The following HK1 variants were observed in gnomAD, a reference collection of about 807,000 sequenced individuals.
The protein encoded by HK1 is hexokinase 1.
A neutral mutation model predicts 91.6 loss-of-function variants in HK1; 28 were observed. The observed-to-expected ratio is 0.31, with a 90% CI of 0.23 to 0.42. The LOEUF is 0.42. Ranked by LOEUF, HK1 falls within the 10% of genes least tolerant of loss-of-function variation. The probability of loss-of-function intolerance (pLI) is 1.00; values close to 1 mark genes in which losing one functional copy is unlikely to be tolerated. For synonymous variants in HK1, 430 were observed against 468.1 expected (o/e 0.92, Z 1.05); for missense variants, 770 against 1,219.8 (o/e 0.63, Z 5.49).
intron 7 of HK1, among the ~76,000 whole-genome samples, chr10:69,370,682 T>G (rs1328403878): frequency 6.6e-6 from 1 of 151,472 alleles, no homozygotes; most frequent in Non-Finnish European, 1.5e-5. Flanking sequence ...TGCAGAGGAG[T>G]TGGGGTAAGA....
intron 15 of HK1, 39 bp downstream of exon 15, chr10:69,392,347 T>G (rs1235418030): frequency 1.9e-6 from 3 of 1,608,516 alleles, no homozygotes; most frequent in Non-Finnish European, 2.6e-6. Context: ...ACAGTCAGGG[T>G]GGGGGCAGCA....
At chr10:69,358,159 C>T (rs911429215) in intron 2 of HK1, among the ~76,000 whole-genome samples, 50 of 152,058 alleles carry the variant, frequency 3.3e-4, no homozygotes, top group Non-Finnish European at 1.5e-4. Context: ...TCACCCCTGG[C>T]GTGGTAGATA....
At chr10:69,375,764 C>T (rs1377862264) in intron 7 of HK1, among the ~76,000 whole-genome samples, 4 of 152,202 alleles carry the variant, frequency 2.6e-5, no homozygotes, top group African/African-American at 4.8e-5. Flanking sequence ...CCTCCTGGCC[C>T]CTCGTCAGCC....
intron 2 of HK1, among the ~76,000 whole-genome samples, chr10:69,348,341 T>G (rs1321410996): frequency 6.6e-6 from 1 of 152,212 alleles, no homozygotes; most frequent in Admixed American, 6.5e-5. Flanking sequence ...AAGGAAAATA[T>G]TTACCTTCTC....
intron 7 of HK1, among the ~76,000 whole-genome samples, chr10:69,374,503 C>T (rs1354664995): frequency 1.3e-5 from 2 of 152,232 alleles, no homozygotes; most frequent in African/African-American, 4.8e-5. Context: ...GGTGGCATGC[C>T]CTGAGAGGCA....
At chr10:69,283,632 T>A (rs1309416626) in intron 2 of HK1, among the ~76,000 whole-genome samples, 3 of 149,896 alleles carry the variant, frequency 2.0e-5, no homozygotes, top group African/African-American at 7.3e-5. Context: ...AATACAAAAA[T>A]TAGCCAGGCA....
At position 69,343,912 on chromosome 10, in the gene HK1, GC is replaced by G; in HGVS notation, c.151del (p.Leu51SerfsTer18). On this transcript the variant is annotated frameshift_variant, in exon 2 of 18. Transcript: ENST00000359426. LOFTEE classifies it high-confidence loss of function. ...MTRFRKEMKN[G>X]LSRDFNPTAT... is the part of the protein sequence containing the mutation. Reference sequence around the variant, plus strand: ...CGCTTCAGGAAGGAGATGAAGAATGGCCTCTCCCGGGATTTTAATCCAACAG... The same window carrying G: ...CGCTTCAGGAAGGAGATGAAGAATGGCTCTCCCGGGATTTTAATCCAACAG... 1 of 1,613,726 alleles carries G rather than the reference GC, an allele frequency of 6.2e-7. No homozygotes were observed. Among genetic ancestry groups the G allele is most frequent in the Non-Finnish European group, 8.5e-7 (1 of 1,179,676 alleles).
At chr10:69,368,424 C>T (rs1238929310) in intron 4 of HK1, 112 bp from the exon 5 acceptor site, 2 of 871,372 alleles carry the variant, frequency 2.3e-6, no homozygotes, top group Non-Finnish European at 3.8e-6. Context: ...TGGGAGGAGC[C>T]ACTTGGCCCC....
intron 2 of HK1, among the ~76,000 whole-genome samples, chr10:69,284,904 C>T (rs564089324): frequency 2.6e-5 from 4 of 152,242 alleles, no homozygotes; most frequent in South Asian, 4.1e-4. Flanking sequence ...GCAAGCTCTG[C>T]CTCCTGGGTT....
intron 13 of HK1, among the ~76,000 whole-genome samples, chr10:69,388,037 G>C (rs1406288943): frequency 6.6e-6 from 1 of 152,092 alleles, no homozygotes; most frequent in African/African-American, 2.4e-5. Context: ...CTGAAAGAGG[G>C]CTGATTTGTC....
intron 1 of HK1, among the ~76,000 whole-genome samples, chr10:69,334,554 G>A (rs1402848603): frequency 6.6e-6 from 1 of 152,126 alleles, no homozygotes; most frequent in Non-Finnish European, 1.5e-5. Flanking sequence ...TGGGCCATTC[G>A]GGGAAGTCTC....
At chr10:69,314,678 C>CT (rs1223659839), upstream of HK1, among the ~76,000 whole-genome samples, 2 of 147,678 alleles carry the variant, frequency 1.4e-5, no homozygotes, top group Non-Finnish European at 3.0e-5. Context: ...TCTTTTCTTT[C>CT]TTTTTTTCTG....
intron 3 of HK1, among the ~76,000 whole-genome samples, chr10:69,293,997 G>T (rs907475501): frequency 6.6e-6 from 1 of 151,574 alleles, no homozygotes; most frequent in Non-Finnish European, 1.5e-5. Context: ...GAGTAGCTGG[G>T]ACTACAGGCG....
chr10:69,330,577 C>T (rs1448291841), intron 1 of HK1, among the ~76,000 whole-genome samples: 1 of 152,066 alleles, frequency 6.6e-6, no homozygotes, highest in Non-Finnish European at 1.5e-5. Context: ...ATACTATCCC[C>T]AAATAGTAAT....
intron 4 of HK1, chr10:69,300,663 A>G (rs1845816612): frequency 1.3e-6 from 1 of 784,634 alleles, no homozygotes; most frequent in Admixed American, 1.9e-5. Context: ...GTGATCATCC[A>G]TGATTTCAAA....
Position 69,401,225 on chromosome 10 carries a change from G to A in HK1, c.*90G>A, listed in dbSNP as rs1840375910. ...CTCCCAGCGAGTTGCGCTGGGAGAC[G>A]CTGGCGCCAGGGCCTGCCGGCGCGG... On this transcript the variant is annotated 3_prime_UTR_variant, in exon 18 of 18. Transcript: ENST00000359426. 1 of 1,485,822 alleles carries A rather than the reference G, an allele frequency of 6.7e-7. No homozygotes were observed. The highest frequency in any genetic ancestry group is 9.1e-7 in the Non-Finnish European group (1 of 1,094,866). The allele number at this position is 1,485,822 out of a possible 1,614,324, so 92.0% of individuals were successfully genotyped here.
At chr10:69,374,484 G>C (rs1850183214) in intron 7 of HK1, among the ~76,000 whole-genome samples, 1 of 152,244 alleles carries the variant, frequency 6.6e-6, no homozygotes, top group Non-Finnish European at 1.5e-5. Flanking sequence ...TACCCGTTCA[G>C]TTATCACAGG....
At position 69,337,243 on chromosome 10, in the gene HK1, G is replaced by A. The variant is rs114980085; in HGVS notation, c.64-6584G>A. On this transcript the variant is annotated intron_variant, in intron 1 of 17. Coordinates refer to ENST00000359426, the MANE Select transcript of HK1 (RefSeq NM_000188.3). ...GGAAAATGGAAATGCTTAAGGTGAA[G>A]CCCCAAATGGGAGGTTACGAGCCCT... Among the ~76,000 whole-genome samples the A allele has an allele frequency of 3.2e-3, 494 of 152,294 alleles. 1 individual carries two copies. The highest frequency in any genetic ancestry group is 0.011 in the African/African-American group (476 of 41,554).
At chr10:69,342,527 T>C (rs529981192) in intron 1 of HK1, among the ~76,000 whole-genome samples, 4 of 152,212 alleles carry the variant, frequency 2.6e-5, no homozygotes, top group Non-Finnish European at 5.9e-5. Context: ...CTACTAGGAA[T>C]GGTAGAGGTG....
Sources: allele counts gnomAD v4.1 joint callset (sites outside exome capture counted in the v4.1 genomes callset), GRCh38; gene constraint gnomAD v4.1.1; transcripts MANE v1.5; gene names NCBI Gene and HGNC (gene_info 2026-07-23, HGNC 2026-07-21).